Variants in GATAD2A observed in about 807,000 individuals in gnomAD.
GATAD2A encodes the protein transcriptional repressor p66-alpha.
GATAD2A carries 12 observed loss-of-function variants against 68.5 expected under a neutral mutation model. The observed-to-expected ratio is 0.18, with a 90% CI of 0.11 to 0.28. The LOEUF is 0.28. GATAD2A is among the 10% of genes least tolerant of loss of function. GATAD2A has a pLI of 1.00. For missense variants in GATAD2A, 755 were observed against 868.5 expected (o/e 0.87, Z 1.64); for synonymous variants, 410 against 375.3 (o/e 1.09, Z -1.07).
At chr19:19,449,152 C>A (rs1252543659) in intron 1 of GATAD2A, among the ~76,000 whole-genome samples, 3 of 152,178 alleles carry the variant, frequency 2.0e-5, no homozygotes, top group Non-Finnish European at 4.4e-5. Context: ...GGGGACCTGT[C>A]TGTCCCAGGC....
chr19:19,497,672 A>G (rs901001021), intron 7 of GATAD2A, among the ~76,000 whole-genome samples: 5 of 152,058 alleles, frequency 3.3e-5, no homozygotes. Flanking sequence ...ACAGTGTGGC[A>G]TTTGCAAGTC....
chr19:19,425,800 T>C (rs1009923798), intron 1 of GATAD2A, among the ~76,000 whole-genome samples: 5 of 151,836 alleles, frequency 3.3e-5, no homozygotes, highest in Non-Finnish European at 7.4e-5. Context: ...CTTTTCTTTT[T>C]TTTTTTTTAG....
chr19:19,476,735 G>A (rs1290993349), intron 2 of GATAD2A, among the ~76,000 whole-genome samples: 1 of 152,224 alleles, frequency 6.6e-6, no homozygotes, highest in Non-Finnish European at 1.5e-5. Flanking sequence ...AACAGACGGA[G>A]TGGATACCTG....
chr19:19,392,393 TG>T (rs1397224511), intron 1 of GATAD2A, among the ~76,000 whole-genome samples: 1 of 142,032 alleles, frequency 7.0e-6, no homozygotes, highest in East Asian at 1.9e-4. Context: ...ATTGTGTGTG[TG>T]TTTTTTTTTT....
At chr19:19,492,214 G>C (rs1600274621) in intron 2 of GATAD2A, 92 bp from the exon 3 acceptor site, 11 of 1,300,958 alleles carry the variant, frequency 8.5e-6, no homozygotes, top group Admixed American at 8.3e-5. Context: ...GAACAGACGG[G>C]GAGGTCTCAG....
At chr19:19,394,015 T>C (rs2049038568) in intron 1 of GATAD2A, among the ~76,000 whole-genome samples, 1 of 151,792 alleles carries the variant, frequency 6.6e-6, no homozygotes, top group African/African-American at 2.4e-5. Flanking sequence ...GCCTCCCGAG[T>C]AGCTGGGATT....
At chr19:19,393,542 C>G (rs897567729) in intron 1 of GATAD2A, among the ~76,000 whole-genome samples, 2 of 152,196 alleles carry the variant, frequency 1.3e-5, no homozygotes, top group African/African-American at 4.8e-5. Context: ...GTGAGCAGGA[C>G]TGACACAGCT....
chr19:19,436,069 C>T, intron 1 of GATAD2A: 1 of 822,510 alleles, frequency 1.2e-6, no homozygotes, highest in Non-Finnish European at 1.9e-6. Flanking sequence ...TTTAGAAATG[C>T]CAGTATGTTC....
chr19:19,439,311 G>A (rs1360481303), intron 1 of GATAD2A, among the ~76,000 whole-genome samples: 1 of 152,232 alleles, frequency 6.6e-6, no homozygotes, highest in East Asian at 1.9e-4. Context: ...ATCAAAAAAT[G>A]GGTGTGACTG....
At chr19:19,470,143 A>ATTTTTTTT (rs750710437) in intron 2 of GATAD2A, among the ~76,000 whole-genome samples, 3 of 132,850 alleles carry the variant, frequency 2.3e-5, no homozygotes, top group South Asian at 2.5e-4. Context: ...CTGCGACTTT[A>ATTTTTTTT]TTTTTTTTTT....
Position 19,498,587 on chromosome 19 carries a change from G to C in GATAD2A, c.1069G>C (p.Glu357Gln). Residue 357 changes from glutamate to glutamine, a missense_variant, in exon 8 of 12, where the codon GAG becomes CAG. Transcript: ENST00000683918. ...CAAGCTGGCGCTGCGCAAACAGCTG[G>C]AGAAGACGCTACTCGAGATCCCCCC... ...AAKLALRKQL[E>Q]KTLLEIPPPK... 1.2e-6 allele frequency: 2 copies of C among 1,613,892 alleles called. No individual in the cohort carries two copies. The highest frequency in any genetic ancestry group is 1.7e-6 in the Non-Finnish European group (2 of 1,180,026).
intron 8 of GATAD2A, 110 bp downstream of exon 8, chr19:19,498,832 G>A: frequency 2.1e-6 from 2 of 950,186 alleles, no homozygotes; most frequent in South Asian, 1.5e-5. Flanking sequence ...TGCCTAGCCA[G>A]GATGGTCCTG....
intron 1 of GATAD2A, among the ~76,000 whole-genome samples, chr19:19,447,749 A>C (rs2055898347): frequency 6.6e-6 from 1 of 152,212 alleles, no homozygotes. Context: ...GAGCTTGAGG[A>C]AGGGCGCCTG....
chr19:19,412,209 G>A (rs1418787726), intron 1 of GATAD2A, among the ~76,000 whole-genome samples: 1 of 150,756 alleles, frequency 6.6e-6, no homozygotes, highest in African/African-American at 2.4e-5. Flanking sequence ...AGGCTGGAGT[G>A]CAGTGACGCG....
chr19:19,452,834 G>A (rs1002503799), intron 1 of GATAD2A, among the ~76,000 whole-genome samples: 5 of 152,220 alleles, frequency 3.3e-5, no homozygotes, highest in African/African-American at 1.2e-4. Context: ...GAGTGGGACA[G>A]TCGTGTATGG....
At chr19:19,396,039 AGCCGGGCACGGTG>A (rs1483892742) in intron 1 of GATAD2A, among the ~76,000 whole-genome samples, 2 of 151,962 alleles carry the variant, frequency 1.3e-5, no homozygotes. Context: ...CATATTTAGG[AGCCGGGCACGGTG>A]GCTCACACCT....
chr19:19,411,002 A>G (rs2050856438), intron 1 of GATAD2A, among the ~76,000 whole-genome samples: 1 of 152,228 alleles, frequency 6.6e-6, no homozygotes, highest in Non-Finnish European at 1.5e-5. Context: ...GCCAGAGTTC[A>G]CAAGCATTAA....
intron 2 of GATAD2A, among the ~76,000 whole-genome samples, chr19:19,481,509 A>G (rs1215322598): frequency 1.3e-5 from 2 of 152,030 alleles, no homozygotes; most frequent in Non-Finnish European, 2.9e-5. Context: ...TAATTTTTTT[A>G]GAGACAGGGT....
At chr19:19,448,289 G>T (rs1008503195) in intron 1 of GATAD2A, among the ~76,000 whole-genome samples, 1 of 152,252 alleles carries the variant, frequency 6.6e-6, no homozygotes, top group Non-Finnish European at 1.5e-5. Flanking sequence ...TGTTCCTTGG[G>T]CAGCGTCTGT....
Sources: gnomAD v4.1 joint callset for allele counts (sites outside exome capture counted in the v4.1 genomes callset) on GRCh38, gnomAD v4.1.1 for gene constraint, MANE v1.5 for transcripts, NCBI Gene and HGNC (gene_info 2026-07-23, HGNC 2026-07-21) for gene names.